The following SLC24A2 variants were observed in gnomAD, a reference collection of about 807,000 sequenced individuals.
SLC24A2 encodes sodium/potassium/calcium exchanger 2.
In SLC24A2, 36 loss-of-function variants were observed where a neutral mutation model predicts 62.0. That is an observed-to-expected ratio of 0.58 (90% CI 0.44 to 0.77). The LOEUF (loss-of-function observed/expected upper bound fraction) is 0.77. Among genes scored for constraint, SLC24A2 ranks in the 30% least tolerant of loss-of-function variants. The pLI is 0.00. For missense variants in SLC24A2, 846 were observed against 817.9 expected, an observed-to-expected ratio of 1.03 and a Z score of -0.42; for synonymous variants, 358 against 294.0, an observed-to-expected ratio of 1.22 and a Z score of -2.23.
the SLC24A2 span, among the ~76,000 whole-genome samples, chr9:19,870,693 T>C: frequency 1.3e-5 from 2 of 152,158 alleles, no homozygotes; most frequent in Non-Finnish European, 2.9e-5. Context: ...TTTGTGACTA[T>C]AGCCATCCTA....
At chr9:19,851,626 C>G in the SLC24A2 span, among the ~76,000 whole-genome samples, 1 of 152,066 alleles carries the variant, frequency 6.6e-6, no homozygotes, top group Non-Finnish European at 1.5e-5. Flanking sequence ...ATGGCTTCCA[C>G]CTCCATCCAT....
intron 2 of SLC24A2, among the ~76,000 whole-genome samples, chr9:19,716,041 G>A (rs1184395054): frequency 1.3e-5 from 2 of 152,236 alleles, no homozygotes; most frequent in South Asian, 2.1e-4. Flanking sequence ...AAAATTAGAG[G>A]CTTTATGAAG....
At chr9:19,909,843 T>C in the SLC24A2 span, among the ~76,000 whole-genome samples, 1 of 152,088 alleles carries the variant, frequency 6.6e-6, no homozygotes, top group Non-Finnish European at 1.5e-5. Context: ...GGGTGGCATG[T>C]TCTAATACCC....
At chr9:20,129,145 C>T in the SLC24A2 span, among the ~76,000 whole-genome samples, 2 of 152,072 alleles carry the variant, frequency 1.3e-5, no homozygotes, top group African/African-American at 4.8e-5. Flanking sequence ...GTAGACATTT[C>T]TTCTGAGAGA....
chr9:20,064,609 G>A, the SLC24A2 span, among the ~76,000 whole-genome samples: 1 of 152,132 alleles, frequency 6.6e-6, no homozygotes, highest in African/African-American at 2.4e-5. Context: ...CTTCAAATCA[G>A]TTATTTCTCT....
chr9:19,781,396 A>T (rs999370337), intron 2 of SLC24A2, among the ~76,000 whole-genome samples: 1 of 117,418 alleles, frequency 8.5e-6, no homozygotes, highest in South Asian at 2.6e-4. Flanking sequence ...GAAGGGAGAG[A>T]TAATGGTGAC....
the SLC24A2 span, among the ~76,000 whole-genome samples, chr9:19,910,463 C>T: frequency 1.3e-5 from 2 of 152,194 alleles, no homozygotes; most frequent in Non-Finnish European, 2.9e-5. Context: ...AGAGTTCACC[C>T]TTATGCTTAT....
At chr9:19,946,789 G>T in the SLC24A2 span, among the ~76,000 whole-genome samples, 3 of 152,322 alleles carry the variant, frequency 2.0e-5, no homozygotes, top group African/African-American at 7.2e-5. Context: ...AAAACACAAA[G>T]ATTGTTCTCT....
At chr9:19,995,857 G>A in the SLC24A2 span, among the ~76,000 whole-genome samples, 1 of 152,192 alleles carries the variant, frequency 6.6e-6, no homozygotes. Context: ...CTTAGTCAAG[G>A]CAGCCTGGCC....
chr9:20,078,321 C>T, the SLC24A2 span, among the ~76,000 whole-genome samples: 44 of 145,830 alleles, frequency 3.0e-4, no homozygotes, highest in Non-Finnish European at 4.8e-4. Flanking sequence ...CACCCCCACT[C>T]CCCAACCCCC....
chr9:19,642,974 C>A (rs1818544856), intron 2 of SLC24A2, among the ~76,000 whole-genome samples: 1 of 142,806 alleles, frequency 7.0e-6, no homozygotes, highest in Admixed American at 7.2e-5. Context: ...GCCACCGTGC[C>A]TGGCCAGTAT....
chr9:20,048,897 T>A, the SLC24A2 span, among the ~76,000 whole-genome samples: 2 of 151,670 alleles, frequency 1.3e-5, no homozygotes, highest in African/African-American at 2.4e-5. Context: ...TCTTTCCGCT[T>A]TTTTTCCTTT....
intron 2 of SLC24A2, among the ~76,000 whole-genome samples, chr9:19,650,722 GCA>G (rs36051382): frequency 0.56 from 85,218 of 151,158 alleles, 24,454 homozygotes; most frequent in East Asian, 0.81. Flanking sequence ...CATGGCACGC[GCA>G]CACACACACA....
chr9:19,528,154 G>A lies in SLC24A2; in HGVS notation c.1480-16C>T, dbSNP rs1365282836. 11 of 1,500,282 alleles carry A rather than the reference G, an allele frequency of 7.3e-6. No individual in the cohort carries two copies. The Middle Eastern group carries it at 1.0e-3, about 139-fold the overall frequency. 92.9% of individuals were successfully genotyped at this position (1,500,282 alleles called of 1,614,324 possible). ...TCCTCGATGACTGAAAGACAACCAG[G>A]AAGAGTTGAGAATATCAGTGTTATC... On this transcript the variant is annotated splice_polypyrimidine_tract_variant and intron_variant, in intron 8 of 10. Coordinates refer to ENST00000341998, the MANE Select transcript of SLC24A2 (RefSeq NM_020344.4).
chr9:19,582,120 G>T (rs1836227379), intron 5 of SLC24A2, among the ~76,000 whole-genome samples: 1 of 152,092 alleles, frequency 6.6e-6, no homozygotes, highest in Non-Finnish European at 1.5e-5. Context: ...TTGAGGGGGT[G>T]GTAGGGAAGT....
At chr9:20,296,806 T>G in the SLC24A2 span, among the ~76,000 whole-genome samples, 137 of 152,346 alleles carry the variant, frequency 9.0e-4, no homozygotes, top group African/African-American at 3.2e-3. Context: ...CTTTCTGACC[T>G]ATTTCTTCAT....
chr9:19,588,111 A>T lies in SLC24A2; in HGVS notation c.1129+9118T>A, dbSNP rs555515064. Among the ~76,000 whole-genome samples the T allele has an allele frequency of 2.6e-5, 4 of 152,130 alleles. No homozygotes were observed. The East Asian group carries it at 5.8e-4, about 22-fold the overall frequency. ...AAGATCCAGCCCCAGGGAGATGCTT[A>T]TAAGAATACATCTCTGAAGCAGTAA... On this transcript the variant is annotated intron_variant, in intron 5 of 10. Transcript: ENST00000341998.
the SLC24A2 span, among the ~76,000 whole-genome samples, chr9:19,922,566 C>G: frequency 1.3e-5 from 2 of 152,172 alleles, no homozygotes; most frequent in African/African-American, 2.4e-5. Context: ...CAGGCCTCCT[C>G]CCAGCTGTGC....
At chr9:20,054,567 T>A in the SLC24A2 span, among the ~76,000 whole-genome samples, 15 of 152,178 alleles carry the variant, frequency 9.9e-5, no homozygotes, top group African/African-American at 3.4e-4. Context: ...GTGTAGTTTT[T>A]TATACCTCAC....
Sources: allele counts gnomAD v4.1 joint callset (sites outside exome capture counted in the v4.1 genomes callset), GRCh38; gene constraint gnomAD v4.1.1; transcripts MANE v1.5; gene names NCBI Gene and HGNC (gene_info 2026-07-23, HGNC 2026-07-21).